SCARA3: variants seen among roughly 807,000 people sequenced by gnomAD.
The protein encoded by SCARA3 is scavenger receptor class A member 3, also known as cellular stress response gene protein.
Under a neutral mutation model 47.0 loss-of-function variants are expected in SCARA3, and 39 were observed. The observed-to-expected ratio is 0.83, with a 90% CI of 0.64 to 1.08. SCARA3 has a LOEUF of 1.08. Ranked by LOEUF, SCARA3 falls within the 50% of genes least tolerant of loss-of-function variation. The pLI is 0.00. For missense variants in SCARA3, 724 were observed against 792.3 expected (o/e 0.91, Z 1.04); for synonymous variants, 356 against 334.1 (o/e 1.07, Z -0.71).
At chr8:27,660,550 G>C (rs1801876483) in intron 5 of SCARA3, among the ~76,000 whole-genome samples, 1 of 151,424 alleles carries the variant, frequency 6.6e-6, no homozygotes, top group Non-Finnish European at 1.5e-5. Context: ...TAGATAGATA[G>C]ATAGATAGAT....
intron 5 of SCARA3, among the ~76,000 whole-genome samples, chr8:27,668,676 A>G (rs1402085502): frequency 6.6e-6 from 1 of 152,138 alleles, no homozygotes; most frequent in African/African-American, 2.4e-5. Flanking sequence ...CCTGGGCAAC[A>G]TAGTGAAACC....
chr8:27,682,453 A>G, the SCARA3 span, among the ~76,000 whole-genome samples: 1 of 152,182 alleles, frequency 6.6e-6, no homozygotes, highest in Admixed American at 6.5e-5. Context: ...TAATAGGTCT[A>G]TTTAAGTAAA....
chr8:27,724,881 T>C, the SCARA3 span, among the ~76,000 whole-genome samples: 1 of 152,292 alleles, frequency 6.6e-6, no homozygotes, highest in Non-Finnish European at 1.5e-5. Context: ...AATAACTCAA[T>C]AGGCAGATTC....
At chr8:27,687,404 A>T in the SCARA3 span, among the ~76,000 whole-genome samples, 6 of 152,196 alleles carry the variant, frequency 3.9e-5, no homozygotes, top group South Asian at 4.1e-4. Context: ...ATCTTGCAGG[A>T]TATTCATTAA....
At chr8:27,677,724 C>T (rs989855728), downstream of SCARA3, among the ~76,000 whole-genome samples, 2 of 152,138 alleles carry the variant, frequency 1.3e-5, no homozygotes, top group African/African-American at 4.8e-5. Flanking sequence ...GAGAAAAACA[C>T]TGCACCAGCT....
At chr8:27,680,227 A>T (rs899360304), downstream of SCARA3, among the ~76,000 whole-genome samples, 24 of 152,016 alleles carry the variant, frequency 1.6e-4, no homozygotes, top group Non-Finnish European at 2.1e-4. Context: ...ACAATATTAA[A>T]GCCAGAATCA....
Position 27,651,446 on chromosome 8 carries a change from G to T in SCARA3, c.107-62G>T, listed in dbSNP as rs947524985. Reference sequence around the variant, plus strand: ...CAGACCAGAGCAGGAACATGGAACTGACCCTTCAGCTCCAACCTGGGCCCC... The same window carrying T: ...CAGACCAGAGCAGGAACATGGAACTTACCCTTCAGCTCCAACCTGGGCCCC... On this transcript the variant is annotated intron_variant, in intron 2 of 5. Transcript: ENST00000301904. 1.7e-5 allele frequency: 27 copies of T among 1,581,452 alleles called. No homozygotes were observed. The African/African-American group carries it at 3.4e-4, about 20-fold the overall frequency.
At chr8:27,716,323 T>TTATA in the SCARA3 span, among the ~76,000 whole-genome samples, 445 of 149,286 alleles carry the variant, frequency 3.0e-3, 3 homozygotes, top group African/African-American at 8.9e-3. Context: ...AAATATCTCT[T>TTATA]TATATATATA....
intron 1 of SCARA3, among the ~76,000 whole-genome samples, chr8:27,645,471 A>C (rs1045962217): frequency 6.6e-6 from 1 of 152,246 alleles, no homozygotes; most frequent in African/African-American, 2.4e-5. Flanking sequence ...GTCTTGTCCC[A>C]GTTCTGAGGC....
the SCARA3 span, among the ~76,000 whole-genome samples, chr8:27,683,047 C>T: frequency 3.3e-5 from 5 of 151,734 alleles, no homozygotes; most frequent in East Asian, 9.7e-4. Context: ...ACACAAAAAA[C>T]AAATGTCGAT....
intron 1 of SCARA3, among the ~76,000 whole-genome samples, chr8:27,637,158 C>A (rs894020): frequency 6.6e-6 from 1 of 152,146 alleles, no homozygotes; most frequent in African/African-American, 2.4e-5. Context: ...GGCCGAGTGC[C>A]AGGGCCCACT....
the SCARA3 span, among the ~76,000 whole-genome samples, chr8:27,698,359 T>C: frequency 5.3e-5 from 8 of 152,186 alleles, no homozygotes; most frequent in Non-Finnish European, 7.3e-5. Context: ...AGACTGGAGA[T>C]TGGATTTATA....
At chr8:27,693,262 C>A in the SCARA3 span, among the ~76,000 whole-genome samples, 1 of 152,152 alleles carries the variant, frequency 6.6e-6, no homozygotes, top group Non-Finnish European at 1.5e-5. Flanking sequence ...TGTCTTAAGT[C>A]CTCCTAAAAT....
chr8:27,663,383 G>C (rs1403352187), intron 5 of SCARA3, among the ~76,000 whole-genome samples: 1 of 152,234 alleles, frequency 6.6e-6, no homozygotes, highest in Non-Finnish European at 1.5e-5. Context: ...GGCTGGGAGA[G>C]AGAAGATAGG....
downstream of SCARA3, among the ~76,000 whole-genome samples, chr8:27,677,028 T>C (rs999135763): frequency 3.3e-5 from 5 of 152,060 alleles, no homozygotes; most frequent in African/African-American, 1.2e-4. Context: ...TCATCCAATA[T>C]TGTCATCATT....
chr8:27,722,656 A>C, the SCARA3 span, among the ~76,000 whole-genome samples: 194 of 152,174 alleles, frequency 1.3e-3, 3 homozygotes, highest in East Asian at 0.026. Flanking sequence ...CAGCCTTATC[A>C]CTGCAAATTT....
At chr8:27,641,079 G>T (rs1426759437) in intron 1 of SCARA3, among the ~76,000 whole-genome samples, 1 of 152,168 alleles carries the variant, frequency 6.6e-6, no homozygotes, top group Admixed American at 6.5e-5. Flanking sequence ...CTGGAGATGG[G>T]CATTTTAGCT....
intron 5 of SCARA3, among the ~76,000 whole-genome samples, chr8:27,668,599 C>T (rs1802074056): frequency 6.6e-6 from 1 of 151,434 alleles, no homozygotes; most frequent in Non-Finnish European, 1.5e-5. Context: ...ATGGCTCATG[C>T]CTGCAATCCC....
At chr8:27,700,531 C>A in the SCARA3 span, among the ~76,000 whole-genome samples, 1 of 151,856 alleles carries the variant, frequency 6.6e-6, no homozygotes, top group African/African-American at 2.4e-5. Flanking sequence ...CACTTGAACC[C>A]AGGAGGTGGA....
Sources: allele counts gnomAD v4.1 joint callset (sites outside exome capture counted in the v4.1 genomes callset), GRCh38; gene constraint gnomAD v4.1.1; transcripts MANE v1.5; gene names NCBI Gene and HGNC (gene_info 2026-07-23, HGNC 2026-07-21).